ARHGEF38: variants seen among roughly 807,000 people sequenced by gnomAD.
ARHGEF38 encodes Rho guanine nucleotide exchange factor (GEF) 38.
A neutral mutation model predicts 79.9 loss-of-function variants in ARHGEF38; 79 were observed. The ratio of observed to expected loss-of-function variants is 0.99; its 90% confidence interval spans 0.82 to 1.19. The LOEUF is 1.19. Ranked by LOEUF, ARHGEF38 falls within the 50% of genes most tolerant of loss-of-function variation. ARHGEF38 has a pLI of 0.00. For missense variants in ARHGEF38, 962 were observed against 907.2 expected (o/e 1.06, Z -0.78); for synonymous variants, 366 against 328.3 (o/e 1.11, Z -1.24).
intron 3 of ARHGEF38, among the ~76,000 whole-genome samples, chr4:105,618,584 G>A (rs1269967026): frequency 6.6e-6 from 1 of 152,188 alleles, no homozygotes; most frequent in Non-Finnish European, 1.5e-5. Context: ...TCGTGCCACT[G>A]CACTCCAGCC....
chr4:105,661,474 T>TTTATTATTATTATTA (rs140964351), intron 10 of ARHGEF38, among the ~76,000 whole-genome samples: 1 of 141,794 alleles, frequency 7.1e-6, no homozygotes, highest in African/African-American at 2.6e-5. Context: ...TCCACACCTC[T>TTTATTATTATTATTA]TTATTATTAT....
intron 13 of ARHGEF38, among the ~76,000 whole-genome samples, chr4:105,672,254 A>G (rs911038930): frequency 2.0e-5 from 3 of 152,184 alleles, no homozygotes; most frequent in Admixed American, 1.3e-4. Flanking sequence ...TTTTAAACAG[A>G]CTTTTAAAAG....
chr4:105,613,153 T>G (rs972844635), intron 2 of ARHGEF38, among the ~76,000 whole-genome samples: 2 of 152,170 alleles, frequency 1.3e-5, no homozygotes, highest in African/African-American at 4.8e-5. Flanking sequence ...TATAGATGTA[T>G]GTTTGATACA....
At chr4:105,561,529 A>AGAATGGAATGGAATG (rs1725623530) in intron 1 of ARHGEF38, 1 of 145,690 alleles carries the variant, frequency 6.9e-6, no homozygotes, top group African/African-American at 2.5e-5. Flanking sequence ...AGAATAGAAT[A>AGAATGGAATGGAATG]GAATAGAATA....
At chr4:105,591,321 C>G (rs1405966905) in intron 2 of ARHGEF38, among the ~76,000 whole-genome samples, 1 of 152,108 alleles carries the variant, frequency 6.6e-6, no homozygotes, top group East Asian at 1.9e-4. Flanking sequence ...CTCCGCCTCC[C>G]GGGTTCATGC....
In ARHGEF38 at chr4:105,679,784, T is replaced by C. The variant is rs1731247659; in HGVS notation, c.*1847T>C. ...ATAAAAACATATACAAACCCCTGTC[T>C]GTCCAGCTTTACCCACGCATCCAGA... is the stretch of plus-strand genomic sequence containing the variant. On this transcript the variant is annotated 3_prime_UTR_variant, in exon 14 of 14. Coordinates refer to ENST00000420470, the MANE Select transcript of ARHGEF38 (RefSeq NM_001242729.2). 1 of 1,008,058 alleles carries C rather than the reference T, an allele frequency of 9.9e-7. No homozygotes were observed. Among genetic ancestry groups the C allele is most frequent in the East Asian group, 2.4e-5 (1 of 42,016 alleles). 62.4% of individuals were successfully genotyped at this position (1,008,058 alleles called of 1,614,324 possible).
Position 105,667,483 on chromosome 4 carries a change from A to G in ARHGEF38, c.1928A>G (p.Tyr643Cys), listed in dbSNP as rs1002069630. ...GYVYSSFLKP[Y>C]NPAKMQKVDA... ...GTTTATTCCTCCTTCCTAAAACCCT[A>G]CAATCCAGCAAAAATGCAGAAAGTG... Residue 643 changes from tyrosine to cysteine, a missense_variant, in exon 13 of 14, where the codon TAC (tyrosine) becomes TGC (cysteine). By Grantham distance (194) the Tyr-to-Cys change is radical. Coordinates refer to ENST00000420470, the MANE Select transcript of ARHGEF38 (RefSeq NM_001242729.2). The G allele has an allele frequency of 1.1e-4, 164 of 1,536,176 alleles. No individual in the cohort carries two copies. Among genetic ancestry groups the G allele is most frequent in the Non-Finnish European group, 1.2e-4 (143 of 1,146,958 alleles).
At chr4:105,644,456 C>G (rs1284712951) in intron 5 of ARHGEF38, among the ~76,000 whole-genome samples, 1 of 152,160 alleles carries the variant, frequency 6.6e-6, no homozygotes, top group African/African-American at 2.4e-5. Flanking sequence ...AGCTTCTTCC[C>G]CTCCTGTGAA....
chr4:105,654,839 G>A (rs1320946575), intron 8 of ARHGEF38, among the ~76,000 whole-genome samples: 2 of 152,136 alleles, frequency 1.3e-5, no homozygotes, highest in African/African-American at 4.8e-5. Flanking sequence ...CACATAGAAA[G>A]TTAGTAGTGT....
chr4:105,627,256 G>GGGA (rs1560731018), intron 3 of ARHGEF38, among the ~76,000 whole-genome samples: 1 of 152,076 alleles, frequency 6.6e-6, no homozygotes, highest in Non-Finnish European at 1.5e-5. Flanking sequence ...AACAAAACCC[G>GGGA]GGACAAGGAG....
chr4:105,624,905 G>A (rs1728880495), intron 3 of ARHGEF38, among the ~76,000 whole-genome samples: 1 of 152,216 alleles, frequency 6.6e-6, no homozygotes, highest in Admixed American at 6.5e-5. Context: ...GGAAATGACA[G>A]TCAGAGGCCT....
chr4:105,666,897 T>G (rs181378863), intron 11 of ARHGEF38, among the ~76,000 whole-genome samples: 1 of 152,284 alleles, frequency 6.6e-6, no homozygotes, highest in African/African-American at 2.4e-5. Flanking sequence ...TTATTCTTGT[T>G]TTTTCTTCTC....
intron 2 of ARHGEF38, among the ~76,000 whole-genome samples, chr4:105,592,780 A>C (rs1455691562): frequency 3.9e-5 from 6 of 152,156 alleles, no homozygotes; most frequent in African/African-American, 1.4e-4. Flanking sequence ...TTCATAAAGA[A>C]ACTAGAAACA....
At chr4:105,554,637 A>G (rs1436955095) in intron 1 of ARHGEF38, among the ~76,000 whole-genome samples, 6 of 152,154 alleles carry the variant, frequency 3.9e-5, no homozygotes, top group Middle Eastern at 3.2e-3. Context: ...TCAACTTACT[A>G]CCAATTAGAA....
intron 5 of ARHGEF38, among the ~76,000 whole-genome samples, chr4:105,643,723 G>A (rs1160771724): frequency 6.6e-6 from 1 of 152,114 alleles, no homozygotes; most frequent in Non-Finnish European, 1.5e-5. Flanking sequence ...AGTGATAAGT[G>A]GAGAGATGTG....
intron 5 of ARHGEF38, among the ~76,000 whole-genome samples, chr4:105,640,954 G>A (rs1297704566): frequency 6.6e-6 from 1 of 152,058 alleles, no homozygotes; most frequent in Non-Finnish European, 1.5e-5. Flanking sequence ...ATTCCAAGGT[G>A]TGACTCCATT....
chr4:105,651,789 A>G (rs528635237), intron 7 of ARHGEF38, among the ~76,000 whole-genome samples: 107 of 152,258 alleles, frequency 7.0e-4, no homozygotes, highest in Middle Eastern at 3.4e-3. Flanking sequence ...CAAGTAGCGC[A>G]GACTACAAGC....
chr4:105,614,632 A>T (rs1484592114), intron 3 of ARHGEF38, among the ~76,000 whole-genome samples: 1 of 152,210 alleles, frequency 6.6e-6, no homozygotes, highest in Non-Finnish European at 1.5e-5. Context: ...TTCCACAGAT[A>T]GGTTTAAATT....
At chr4:105,621,124 C>T (rs559676914) in intron 3 of ARHGEF38, among the ~76,000 whole-genome samples, 2 of 152,132 alleles carry the variant, frequency 1.3e-5, no homozygotes, top group African/African-American at 4.8e-5. Flanking sequence ...TTAGTCATCT[C>T]GGACATTAAA....
Sources: allele counts gnomAD v4.1 joint callset (sites outside exome capture counted in the v4.1 genomes callset), GRCh38; gene constraint gnomAD v4.1.1; transcripts MANE v1.5; gene names NCBI Gene and HGNC (gene_info 2026-07-23, HGNC 2026-07-21).